STMN4: variants seen among roughly 807,000 people sequenced by gnomAD.
STMN4 encodes stathmin 4.
In STMN4, 12 loss-of-function variants were observed where a neutral mutation model predicts 29.1. The ratio of observed to expected loss-of-function variants is 0.41; its 90% CI spans 0.26 to 0.67. STMN4 has a LOEUF of 0.67. STMN4 is among the 30% of genes least tolerant of loss of function. STMN4 has a pLI of 0.30. For synonymous variants in STMN4, 114 were observed against 105.3 expected, an observed-to-expected ratio of 1.08 and a Z score of -0.51; for missense variants, 181 against 262.8, an observed-to-expected ratio of 0.69 and a Z score of 2.15.
Position 27,236,733 on chromosome 8 carries a change from C to A in STMN4, c.*113G>T, listed in dbSNP as rs1157327077. The A allele has an allele frequency of 1.0e-6, 1 of 968,554 alleles. No individual in the cohort carries two copies. Among genetic ancestry groups the A allele is most frequent in the East Asian group, 3.0e-5 (1 of 33,098 alleles). 60.0% of individuals were successfully genotyped at this position (968,554 alleles called of 1,614,324 possible). ...AGCAGAGGAAACGCCCCTTGGCCAC[C>A]CCCCTCCCCCCAAACCCCAGTGCTG... On this transcript the variant is annotated 3_prime_UTR_variant, in exon 7 of 7. Transcript: ENST00000350889.
chr8:27,257,723 G>A (rs1489595130), intron 1 of STMN4, among the ~76,000 whole-genome samples: 2 of 152,102 alleles, frequency 1.3e-5, no homozygotes, highest in African/African-American at 4.8e-5. Context: ...CCCAGTCAAG[G>A]ACCAGGGCGT....
At chr8:27,247,610 TG>T (rs1801662587) in intron 1 of STMN4, among the ~76,000 whole-genome samples, 2 of 152,166 alleles carry the variant, frequency 1.3e-5, no homozygotes, top group South Asian at 4.1e-4. Context: ...GCCATGGTCA[TG>T]TTATCATGCC....
At chr8:27,249,183 CTGT>C (rs1478076875) in intron 1 of STMN4, among the ~76,000 whole-genome samples, 5 of 152,038 alleles carry the variant, frequency 3.3e-5, no homozygotes, top group African/African-American at 9.7e-5. Context: ...AAGTTGTAGG[CTGT>C]TGACTGAGGA....
At chr8:27,253,295 A>G (rs1801845544) in intron 1 of STMN4, among the ~76,000 whole-genome samples, 1 of 152,200 alleles carries the variant, frequency 6.6e-6, no homozygotes, top group South Asian at 2.1e-4. Flanking sequence ...TAAATTTTAC[A>G]TATTACTTTT....
intron 1 of STMN4, among the ~76,000 whole-genome samples, chr8:27,254,481 C>T (rs12542830): frequency 0.12 from 18,645 of 152,250 alleles, 1,878 homozygotes; most frequent in East Asian, 0.42. Flanking sequence ...TCCTGCCTCC[C>T]TCCACCCGCC....
intron 6 of STMN4, chr8:27,239,155 C>G (rs1311100652): frequency 2.0e-6 from 3 of 1,492,208 alleles, no homozygotes; most frequent in Middle Eastern, 1.7e-4. Flanking sequence ...CCAGATCCTT[C>G]TAGGACCTGT....
Position 27,251,808 on chromosome 8 carries a change from CTT to C in STMN4, c.-79+6541_-79+6542del, listed in dbSNP as rs34011092. ...TTTCTTTTTTGCCATCTTTTTTTTT[CTT>C]TTTTTTTTTATTATTATACTTTAAG... On this transcript the variant is annotated intron_variant, in intron 1 of 6. Coordinates refer to ENST00000350889, the MANE Select transcript of STMN4 (RefSeq NM_030795.4). Among the ~76,000 whole-genome samples, 280 of 145,920 alleles carry C rather than the reference CTT, an allele frequency of 1.9e-3. 2 individuals are homozygous for C. The highest frequency in any genetic ancestry group is 7.0e-3 in the Middle Eastern group (2 of 284).
Position 27,236,664 on chromosome 8 carries a change from A to G in STMN4, c.*182T>C, listed in dbSNP as rs1801317646. On this transcript the variant is annotated 3_prime_UTR_variant, in exon 7 of 7. Transcript: ENST00000350889. ...CCGTCATTGTTCCCCGGAAACAAAT[A>G]GGATGGCTTCACTGGTCAATTCTTA... 1.0e-5 allele frequency: 5 copies of G among 476,636 alleles called. No individual in the cohort carries two copies. 29.5% of individuals were successfully genotyped at this position (476,636 alleles called of 1,614,324 possible). A position where few individuals can be genotyped will look rare whatever the true frequency, so the allele number is the denominator to read the frequency against.
rs766593824 is a variant in STMN4 at position 27,239,335 on chromosome 8, C to A, written c.591+636G>T. The A allele has an allele frequency of 3.4e-5, 52 of 1,525,960 alleles. No homozygotes were observed. In the East Asian group the frequency reaches 1.2e-3, roughly 34 times the overall value. 94.5% of individuals were successfully genotyped at this position (1,525,960 alleles called of 1,614,324 possible). On this transcript the variant is annotated intron_variant, in intron 6 of 6. Coordinates refer to ENST00000350889, the MANE Select transcript of STMN4 (RefSeq NM_030795.4). ...CCAGGAGCTGCAGGAGAAACTGGGG[C>A]GGCCTTGAGACTCAGGAAATGAGGC... is the stretch of plus-strand genomic sequence containing the variant.
At chr8:27,251,041 G>T (rs182578016) in intron 1 of STMN4, among the ~76,000 whole-genome samples, 1,921 of 152,202 alleles carry the variant, frequency 0.013, 49 homozygotes, top group African/African-American at 0.044. Flanking sequence ...GAGGTCAGGA[G>T]TTCGAGACCA....
chr8:27,240,480 T>TA (rs918019561), intron 5 of STMN4, among the ~76,000 whole-genome samples: 3 of 151,616 alleles, frequency 2.0e-5, no homozygotes, highest in Non-Finnish European at 2.9e-5. Context: ...CAGCTTGGGG[T>TA]AAAAAAAAGT....
intron 1 of STMN4, among the ~76,000 whole-genome samples, chr8:27,250,181 T>C (rs777183385): frequency 6.6e-6 from 1 of 152,234 alleles, no homozygotes; most frequent in Non-Finnish European, 1.5e-5. Flanking sequence ...ATTAGCTGCA[T>C]AAGCTATCTA....
chr8:27,243,811 G>A lies in STMN4; in HGVS notation c.-78-10C>T. On this transcript the variant is annotated splice_polypyrimidine_tract_variant and intron_variant, in intron 1 of 6. Coordinates refer to ENST00000350889, the MANE Select transcript of STMN4 (RefSeq NM_030795.4). ...GGACGCTGTCACCAACCTGAGAAAA[G>A]GGGAGGACAGGATTTTACCATCGAT... The A allele has an allele frequency of 1.2e-6, 2 of 1,612,880 alleles. No homozygotes were observed. The highest frequency in any genetic ancestry group is 1.7e-6 in the Non-Finnish European group (2 of 1,178,946).
intron 1 of STMN4, among the ~76,000 whole-genome samples, chr8:27,254,629 T>G (rs1288118050): frequency 6.9e-6 from 1 of 144,848 alleles, no homozygotes; most frequent in African/African-American, 2.6e-5. Context: ...AGCACTCACA[T>G]GTGTGTAGGG....
intron 1 of STMN4, among the ~76,000 whole-genome samples, chr8:27,251,307 A>G (rs868268747): frequency 3.6e-5 from 5 of 139,230 alleles, no homozygotes; most frequent in Non-Finnish European, 7.8e-5. Flanking sequence ...TACATATAAT[A>G]TTATATATAT....
At chr8:27,245,571 G>A (rs978709806) in intron 1 of STMN4, among the ~76,000 whole-genome samples, 8 of 152,230 alleles carry the variant, frequency 5.3e-5, no homozygotes, top group Non-Finnish European at 1.0e-4. Flanking sequence ...GAACAGAGAG[G>A]CAGGCCTGGT....
rs1301848070 is a variant in STMN4 at position 27,235,708 on chromosome 8, T to C, written c.*1138A>G. The C allele has an allele frequency of 9.2e-5, 14 of 152,214 alleles. No homozygotes were observed. Among genetic ancestry groups the C allele is most frequent in the Non-Finnish European group, 1.9e-4 (13 of 68,046 alleles). 9.4% of individuals were successfully genotyped at this position (152,214 alleles called of 1,614,324 possible). A position where few individuals can be genotyped will look rare whatever the true frequency, so the allele number is the denominator to read the frequency against. ...GATAGGGCCTTAAGAGGTGAGATCATGAGGACTCCACCTTCATGAATGGGA... is the reference window on the plus strand; with the variant it reads ...GATAGGGCCTTAAGAGGTGAGATCACGAGGACTCCACCTTCATGAATGGGA... On this transcript the variant is annotated 3_prime_UTR_variant, in exon 7 of 7. Coordinates refer to ENST00000350889, the MANE Select transcript of STMN4 (RefSeq NM_030795.4).
intron 1 of STMN4, among the ~76,000 whole-genome samples, chr8:27,251,172 G>A (rs1563421050): frequency 6.6e-6 from 1 of 152,022 alleles, no homozygotes; most frequent in Non-Finnish European, 1.5e-5. Flanking sequence ...AGAATCACTT[G>A]AACACAGGAA....
intron 5 of STMN4, among the ~76,000 whole-genome samples, chr8:27,240,508 T>A (rs1050819094): frequency 6.6e-6 from 1 of 152,194 alleles, no homozygotes; most frequent in African/African-American, 2.4e-5. Context: ...AGGTAAGACA[T>A]ATATACATCA....
Sources: gnomAD v4.1 joint callset for allele counts (sites outside exome capture counted in the v4.1 genomes callset) on GRCh38, gnomAD v4.1.1 for gene constraint, MANE v1.5 for transcripts, NCBI Gene and HGNC (gene_info 2026-07-23, HGNC 2026-07-21) for gene names.